RBFOX3: variants seen among roughly 807,000 people sequenced by gnomAD.
RBFOX3 encodes RNA binding fox-1 homolog 3, also known as RNA binding protein fox-1 homolog 3.
RBFOX3 carries 17 observed loss-of-function variants against 48.7 expected under a neutral mutation model. The observed-to-expected ratio is 0.35, with a 90% CI of 0.24 to 0.52. The LOEUF (loss-of-function observed/expected upper bound fraction) is 0.52. RBFOX3 is among the 20% of genes least tolerant of loss of function. The pLI is 0.94. For missense variants in RBFOX3, 382 were observed against 497.5 expected, an observed-to-expected ratio of 0.77 and a Z score of 2.21; for synonymous variants, 212 against 209.5, an observed-to-expected ratio of 1.01 and a Z score of -0.10.
chr17:79,628,259 C>G, the RBFOX3 span, among the ~76,000 whole-genome samples: 4 of 152,122 alleles, frequency 2.6e-5, no homozygotes, highest in Non-Finnish European at 4.4e-5. Flanking sequence ...CCACCCCAAA[C>G]AAGGACAGAC....
chr17:79,451,162 G>A (rs1487131544), intron 2 of RBFOX3, among the ~76,000 whole-genome samples: 2 of 152,084 alleles, frequency 1.3e-5, no homozygotes, highest in African/African-American at 2.4e-5. Context: ...CAATTATCAG[G>A]GGACATATGA....
At chr17:79,348,088 C>G (rs1039862399) in intron 2 of RBFOX3, among the ~76,000 whole-genome samples, 3 of 152,164 alleles carry the variant, frequency 2.0e-5, no homozygotes, top group Non-Finnish European at 4.4e-5. Flanking sequence ...TCACCTTCCC[C>G]CTCCTGAGAG....
intron 2 of RBFOX3, among the ~76,000 whole-genome samples, chr17:79,415,859 A>T (rs770151838): frequency 2.0e-5 from 3 of 152,106 alleles, no homozygotes; most frequent in Non-Finnish European, 4.4e-5. Flanking sequence ...GAGGGACTGC[A>T]GGGGTCTCTG....
At chr17:79,493,812 G>T (rs1401841221) in intron 1 of RBFOX3, among the ~76,000 whole-genome samples, 5 of 152,172 alleles carry the variant, frequency 3.3e-5, no homozygotes, top group Admixed American at 2.6e-4. Context: ...GTTTCACCTG[G>T]AGGCCCAGTT....
intron 2 of RBFOX3, among the ~76,000 whole-genome samples, chr17:79,366,485 G>A (rs570807960): frequency 9.2e-5 from 14 of 152,322 alleles, no homozygotes; most frequent in South Asian, 2.1e-4. Flanking sequence ...CCGGCGCCAC[G>A]TCTCAATCTA....
At chr17:79,572,676 C>T (rs1338676552) in intron 1 of RBFOX3, among the ~76,000 whole-genome samples, 1 of 152,196 alleles carries the variant, frequency 6.6e-6, no homozygotes, top group Non-Finnish European at 1.5e-5. Flanking sequence ...GGCAGGAGGG[C>T]AGCCAGCCTG....
Position 79,515,309 on chromosome 17 carries a change from G to A in RBFOX3, c.-319-32711C>T, listed in dbSNP as rs986589300. 3.3e-5 allele frequency among the ~76,000 whole-genome samples: 5 copies of A among 152,134 alleles called. 1 individual carries two copies. The stretch of plus-strand genomic sequence containing the variant: ...GGCCCCTGGGGGTGTGCAGTGCCCA[G>A]CCTACAGCTGGGAGACAGCACATGG... On this transcript the variant is annotated intron_variant, in intron 1 of 14. Transcript: ENST00000693108.
intron 2 of RBFOX3, among the ~76,000 whole-genome samples, chr17:79,424,856 C>T (rs1280390224): frequency 6.6e-6 from 1 of 152,076 alleles, no homozygotes; most frequent in African/African-American, 2.4e-5. Context: ...AAGGCAGCCC[C>T]TACCCATTTA....
intron 4 of RBFOX3, among the ~76,000 whole-genome samples, chr17:79,138,023 C>T (rs2040667355): frequency 6.6e-6 from 1 of 152,182 alleles, no homozygotes. Context: ...AGGCAGCCCG[C>T]CCCCGCCAAG....
At chr17:79,309,211 C>T (rs2076506799) in intron 2 of RBFOX3, among the ~76,000 whole-genome samples, 1 of 152,072 alleles carries the variant, frequency 6.6e-6, no homozygotes, top group African/African-American at 2.4e-5. Context: ...GGCTTGTATT[C>T]CTCAAAGCAC....
At chr17:79,256,934 C>CA (rs774433040) in intron 3 of RBFOX3, among the ~76,000 whole-genome samples, 1 of 105,698 alleles carries the variant, frequency 9.5e-6, no homozygotes, top group Non-Finnish European at 1.9e-5. Flanking sequence ...AACAAACAAA[C>CA]AAACAAAACA....
At position 79,090,617 on chromosome 17, in the gene RBFOX3, G is replaced by A; in HGVS notation, c.*266C>T. On this transcript the variant is annotated 3_prime_UTR_variant, in exon 15 of 15. Coordinates refer to ENST00000693108, the MANE Select transcript of RBFOX3 (RefSeq NM_001350451.2). ...ACTCCCCCACTGCCTGAGACGGAGG[G>A]GCGTGTTCCCACTGTGCTGCCAGCC... The A allele has an allele frequency of 2.0e-6, 1 of 492,744 alleles. No individual in the cohort carries two copies. Among genetic ancestry groups the A allele is most frequent in the African/African-American group, 2.0e-5 (1 of 50,580 alleles). The allele number at this position is 492,744 out of a possible 1,614,324, so 30.5% of individuals were successfully genotyped here.
chr17:79,459,567 G>T (rs1402274347), intron 2 of RBFOX3, among the ~76,000 whole-genome samples: 1 of 152,106 alleles, frequency 6.6e-6, no homozygotes, highest in Non-Finnish European at 1.5e-5. Context: ...AGGCAATCAC[G>T]GGGCAGTGCT....
At position 79,091,011 on chromosome 17, in the gene RBFOX3, C is replaced by T. The variant is rs1007810452; in HGVS notation, c.1078-126G>A. The T allele has an allele frequency of 3.3e-5, 30 of 905,200 alleles. No homozygotes were observed. The African/African-American group carries it at 3.6e-4, about 11-fold the overall frequency. The allele number at this position is 905,200 out of a possible 1,614,324, so 56.1% of individuals were successfully genotyped here. ...TCCTGGCGCCGCCACACCTGCCCCC[C>T]AGGTTTCCAGGACCCTCATCTTCCA... On this transcript the variant is annotated intron_variant, in intron 14 of 14. Coordinates refer to ENST00000693108, the MANE Select transcript of RBFOX3 (RefSeq NM_001350451.2).
At chr17:79,206,607 C>T (rs2057526184) in intron 4 of RBFOX3, among the ~76,000 whole-genome samples, 1 of 152,222 alleles carries the variant, frequency 6.6e-6, no homozygotes, top group South Asian at 2.1e-4. Context: ...CCAGACTTTG[C>T]TGCAGCCATC....
chr17:79,400,166 G>A (rs2062605984), intron 2 of RBFOX3, among the ~76,000 whole-genome samples: 1 of 152,096 alleles, frequency 6.6e-6, no homozygotes, highest in Admixed American at 6.5e-5. Context: ...GAACTCCAGA[G>A]GGGAGCCACA....
intron 4 of RBFOX3, among the ~76,000 whole-genome samples, chr17:79,155,424 C>T (rs2045558183): frequency 6.6e-6 from 1 of 152,268 alleles, no homozygotes; most frequent in Non-Finnish European, 1.5e-5. Flanking sequence ...CGGCAGGCTC[C>T]CAGCTCCATC....
chr17:79,094,429 T>C, intron 14 of RBFOX3, 22 bp downstream of exon 14: 1 of 1,487,894 alleles, frequency 6.7e-7, no homozygotes, highest in Non-Finnish European at 8.9e-7. Flanking sequence ...CACCCAGGGC[T>C]GGGCGGGCCT....
intron 2 of RBFOX3, among the ~76,000 whole-genome samples, chr17:79,382,597 G>A (rs1314772956): frequency 2.6e-5 from 4 of 152,148 alleles, no homozygotes; most frequent in Non-Finnish European, 4.4e-5. Flanking sequence ...CAACCCTTGC[G>A]GTCATGGGCA....
Sources: allele counts gnomAD v4.1 joint callset (sites outside exome capture counted in the v4.1 genomes callset), GRCh38; gene constraint gnomAD v4.1.1; transcripts MANE v1.5; gene names NCBI Gene and HGNC (gene_info 2026-07-23, HGNC 2026-07-21).